The following TSPAN9 variants were observed in gnomAD, a reference collection of about 807,000 sequenced individuals.
The protein encoded by TSPAN9 is tetraspanin-9.
In TSPAN9, 16 loss-of-function variants were observed where a neutral mutation model predicts 31.0. The observed-to-expected ratio is 0.52, with a 90% confidence interval of 0.35 to 0.78. The LOEUF (loss-of-function observed/expected upper bound fraction) is 0.78. Among genes scored for constraint, TSPAN9 ranks in the 30% least tolerant of loss-of-function variants. TSPAN9 has a pLI of 0.01. For missense variants in TSPAN9, 272 were observed against 312.5 expected, an observed-to-expected ratio of 0.87 and a Z score of 0.98; for synonymous variants, 145 against 121.6, an observed-to-expected ratio of 1.19 and a Z score of -1.27.
intron 2 of TSPAN9, among the ~76,000 whole-genome samples, chr12:3,116,576 G>T (rs2098322567): frequency 6.6e-6 from 1 of 152,104 alleles, no homozygotes; most frequent in Admixed American, 6.5e-5. Flanking sequence ...AGAGGCCCTT[G>T]GAGGAGGAAG....
At chr12:3,141,530 C>T (rs1323894031) in intron 2 of TSPAN9, among the ~76,000 whole-genome samples, 3 of 152,108 alleles carry the variant, frequency 2.0e-5, no homozygotes, top group South Asian at 2.1e-4. Flanking sequence ...TTGAGGAGGC[C>T]GTGCGTGACC....
intron 3 of TSPAN9, among the ~76,000 whole-genome samples, chr12:3,246,496 C>T (rs1485117033): frequency 6.6e-6 from 1 of 152,178 alleles, no homozygotes; most frequent in Non-Finnish European, 1.5e-5. Flanking sequence ...AGGATGCATC[C>T]TCTTTCCCTG....
chr12:3,146,156 C>T (rs2098337138), intron 2 of TSPAN9, among the ~76,000 whole-genome samples: 1 of 152,244 alleles, frequency 6.6e-6, no homozygotes, highest in African/African-American at 2.4e-5. Context: ...TTTGAGGTCT[C>T]TCTGGCCCTG....
At chr12:3,119,098 A>C (rs1034857746) in intron 2 of TSPAN9, among the ~76,000 whole-genome samples, 1 of 152,132 alleles carries the variant, frequency 6.6e-6, no homozygotes, top group African/African-American at 2.4e-5. Context: ...GTTGTTTAGA[A>C]AGTCAGTCCA....
chr12:3,206,738 G>A (rs1184802941), intron 3 of TSPAN9, among the ~76,000 whole-genome samples: 1 of 152,174 alleles, frequency 6.6e-6, no homozygotes, highest in Admixed American at 6.5e-5. Context: ...GAGTTGCATG[G>A]AGAAGTCAGA....
intron 2 of TSPAN9, among the ~76,000 whole-genome samples, chr12:3,148,072 T>C (rs2098338135): frequency 6.6e-6 from 1 of 151,996 alleles, no homozygotes; most frequent in African/African-American, 2.4e-5. Flanking sequence ...GGAAGGAATT[T>C]TGAGCAGTGA....
chr12:3,132,702 C>T (rs535293847), intron 2 of TSPAN9, among the ~76,000 whole-genome samples: 1 of 152,332 alleles, frequency 6.6e-6, no homozygotes, highest in Non-Finnish European at 1.5e-5. Context: ...GGACGACTCC[C>T]ACTTCCCTGG....
intron 3 of TSPAN9, among the ~76,000 whole-genome samples, chr12:3,257,659 A>C (rs1410658421): frequency 6.6e-6 from 1 of 151,670 alleles, no homozygotes; most frequent in Non-Finnish European, 1.5e-5. Context: ...CTGGCATCTC[A>C]GCAGGGTTCC....
intron 3 of TSPAN9, chr12:3,211,721 G>T (rs1160776903): frequency 3.1e-6 from 5 of 1,596,754 alleles, no homozygotes; most frequent in Non-Finnish European, 4.2e-6. Context: ...TCCTCCTGTA[G>T]GCTGGCAGAG....
At position 3,177,618 on chromosome 12, in the gene TSPAN9, A is replaced by G. The variant is rs142221123; in HGVS notation, c.-17-23559A>G. On this transcript the variant is annotated intron_variant, in intron 2 of 8. Transcript: ENST00000011898. ...CAGCTAGTTTTTGTATTTTTAGTAG[A>G]GATGGGGTTTTGCCATGTTGGCCAA... Among the ~76,000 whole-genome samples, 1,513 of 152,258 alleles carry G rather than the reference A, an allele frequency of 9.9e-3. 25 individuals carry two copies. The highest frequency in any genetic ancestry group is 0.035 in the African/African-American group (1,448 of 41,556).
At chr12:3,176,541 GTTGA>G (rs988433349) in intron 2 of TSPAN9, among the ~76,000 whole-genome samples, 41 of 152,344 alleles carry the variant, frequency 2.7e-4, no homozygotes, top group African/African-American at 7.5e-4. Context: ...GTCCACATCT[GTTGA>G]TTGATTAAGA....
chr12:3,118,129 TG>T (rs2098323260), intron 2 of TSPAN9, among the ~76,000 whole-genome samples: 1 of 151,878 alleles, frequency 6.6e-6, no homozygotes, highest in African/African-American at 2.4e-5. Flanking sequence ...GTTATTCAAA[TG>T]TGAAGTGAGT....
chr12:3,105,894 A>G (rs1426852330), intron 2 of TSPAN9, among the ~76,000 whole-genome samples: 1 of 151,278 alleles, frequency 6.6e-6, no homozygotes, highest in Non-Finnish European at 1.5e-5. Context: ...ACACATGGTC[A>G]CGGGCACTCA....
chr12:3,084,445 G>A (rs11062496), intron 2 of TSPAN9, among the ~76,000 whole-genome samples: 36,511 of 152,010 alleles, frequency 0.24, 5,163 homozygotes, highest in South Asian at 0.38. Context: ...CAATGGTGTA[G>A]TCGGTGGAGC....
intron 2 of TSPAN9, among the ~76,000 whole-genome samples, chr12:3,161,797 A>G (rs61917863): frequency 4.8e-4 from 44 of 91,646 alleles, no homozygotes; most frequent in East Asian, 8.4e-4. Flanking sequence ...CTATCTATCT[A>G]TCTATCTATC....
intron 3 of TSPAN9, among the ~76,000 whole-genome samples, chr12:3,217,683 A>G (rs531245902): frequency 6.6e-6 from 1 of 152,166 alleles, no homozygotes; most frequent in Non-Finnish European, 1.5e-5. Flanking sequence ...CCCTGGCTTC[A>G]GCTGTCTGCT....
chr12:3,237,948 T>C (rs1376206931), intron 3 of TSPAN9, among the ~76,000 whole-genome samples: 1 of 152,198 alleles, frequency 6.6e-6, no homozygotes, highest in African/African-American at 2.4e-5. Flanking sequence ...AGGTTGAGTT[T>C]CCCGTGATGA....
At chr12:3,095,572 G>A (rs1432668104) in intron 2 of TSPAN9, among the ~76,000 whole-genome samples, 1 of 128,906 alleles carries the variant, frequency 7.8e-6, no homozygotes, top group African/African-American at 2.8e-5. Context: ...CCCAGTAGGG[G>A]CGGCCGGGCA....
intron 3 of TSPAN9, among the ~76,000 whole-genome samples, chr12:3,243,466 G>A (rs2098397695): frequency 6.6e-6 from 1 of 152,176 alleles, no homozygotes; most frequent in Admixed American, 6.5e-5. Context: ...AGCTCTGTCT[G>A]ACTCAAGCCC....
Sources: gnomAD v4.1 joint callset for allele counts (sites outside exome capture counted in the v4.1 genomes callset) on GRCh38, gnomAD v4.1.1 for gene constraint, MANE v1.5 for transcripts, NCBI Gene and HGNC (gene_info 2026-07-23, HGNC 2026-07-21) for gene names.